Variants in ACOXL observed in about 807,000 individuals in gnomAD.
ACOXL encodes the protein acyl-coenzyme A oxidase-like protein.
ACOXL carries 70 observed loss-of-function variants against 71.9 expected under a neutral mutation model. The ratio of observed to expected loss-of-function variants is 0.97; its 90% confidence interval spans 0.80 to 1.19. The LOEUF is 1.19. Among genes scored for constraint, ACOXL ranks in the 50% most tolerant of loss-of-function variants. The pLI, the probability that ACOXL is intolerant of heterozygous loss-of-function variation, is 0.00. For missense variants in ACOXL, 703 were observed against 736.3 expected (o/e 0.95, Z 0.52); for synonymous variants, 253 against 281.6 (o/e 0.90, Z 1.02).
In ACOXL at chr2:110,753,284, T is replaced by C. The variant is rs1679243882; in HGVS notation, c.-22-15084T>C. On this transcript the variant is annotated intron_variant, in intron 1 of 17. Transcript: ENST00000439055. ...CGAGCAAATGCTGATGCCATGCTTG[T>C]ACAGCCTGCAGAATTGTGAGCCAAA... Among the ~76,000 whole-genome samples, 3 of 152,216 alleles carry C rather than the reference T, an allele frequency of 2.0e-5. No homozygotes were observed. In the South Asian group the frequency reaches 6.2e-4, roughly 32 times the overall value.
intron 12 of ACOXL, among the ~76,000 whole-genome samples, chr2:110,986,735 A>G (rs1454285815): frequency 6.6e-6 from 1 of 152,210 alleles, no homozygotes; most frequent in Non-Finnish European, 1.5e-5. Flanking sequence ...CAAAGGTCTA[A>G]TTGACCAGAG....
rs574392655 is a variant in ACOXL at position 111,073,009 on chromosome 2, G to A, written c.1441-19856G>A. On this transcript the variant is annotated intron_variant, in intron 16 of 17. Transcript: ENST00000439055. Reference sequence around the variant, plus strand: ...TTTAGTTTGCATCTCCCCAGTAGCTGATGCTGTTGAAAATCTTTCGATGTG... The same window carrying A: ...TTTAGTTTGCATCTCCCCAGTAGCTAATGCTGTTGAAAATCTTTCGATGTG... Among the ~76,000 whole-genome samples the A allele has an allele frequency of 1.2e-3, 176 of 152,306 alleles. 1 individual carries two copies. Among genetic ancestry groups the A allele is most frequent in the Non-Finnish European group, 1.7e-3 (117 of 68,012 alleles).
intron 1 of ACOXL, among the ~76,000 whole-genome samples, chr2:110,741,576 A>G (rs1404807686): frequency 6.6e-6 from 1 of 152,146 alleles, no homozygotes; most frequent in African/African-American, 2.4e-5. Flanking sequence ...TATAAAACAG[A>G]GTTTTATACA....
chr2:110,841,489 C>CA (rs1691172405), intron 10 of ACOXL, 84 bp downstream of exon 10: 3 of 1,172,632 alleles, frequency 2.6e-6, no homozygotes, highest in African/African-American at 1.5e-5. Flanking sequence ...AGATTTTGAG[C>CA]TTTTTTTTGG....
intron 7 of ACOXL, among the ~76,000 whole-genome samples, chr2:110,801,027 A>C (rs563770702): frequency 6.6e-6 from 1 of 152,196 alleles, no homozygotes; most frequent in Non-Finnish European, 1.5e-5. Context: ...GTTTTCCCCT[A>C]GGTTAAATCT....
intron 11 of ACOXL, among the ~76,000 whole-genome samples, chr2:110,912,321 G>A (rs1191371323): frequency 6.6e-6 from 1 of 152,050 alleles, no homozygotes; most frequent in East Asian, 1.9e-4. Flanking sequence ...ACAATCTTGA[G>A]AAAGAGTAAC....
intron 8 of ACOXL, among the ~76,000 whole-genome samples, chr2:110,803,038 A>G (rs1686188356): frequency 6.6e-6 from 1 of 152,204 alleles, no homozygotes; most frequent in Non-Finnish European, 1.5e-5. Context: ...AGCAAAAAGA[A>G]AAAGAAAAAA....
rs189605040 is a variant in ACOXL at position 110,970,941 on chromosome 2, A to G, written c.1060-16167A>G. Among the ~76,000 whole-genome samples, 33 of 152,356 alleles carry G rather than the reference A, an allele frequency of 2.2e-4. No homozygotes were observed. In the East Asian group the frequency reaches 4.8e-3, roughly 22 times the overall value. ...TTCTTAGGGTTGACATCAAAAGCAC[A>G]TTTCATAAAAGGAAAAATTGGTAAG... On this transcript the variant is annotated intron_variant, in intron 12 of 17. Coordinates refer to ENST00000439055, the MANE Select transcript of ACOXL (RefSeq NM_001142807.4).
chr2:110,969,820 G>GA (rs993928828), intron 12 of ACOXL, among the ~76,000 whole-genome samples: 81 of 132,272 alleles, frequency 6.1e-4, no homozygotes, highest in African/African-American at 1.4e-3. Context: ...CAAAAAAAAA[G>GA]AAAAAAAAAA....
chr2:110,919,180 G>C (rs112880632), intron 11 of ACOXL, among the ~76,000 whole-genome samples: 3,612 of 152,232 alleles, frequency 0.024, 77 homozygotes, highest in Non-Finnish European at 0.033. Flanking sequence ...TGATAGACTA[G>C]ATAAAGGAAA....
intron 17 of ACOXL, among the ~76,000 whole-genome samples, chr2:111,095,311 A>G (rs994407785): frequency 6.6e-5 from 10 of 151,822 alleles, no homozygotes; most frequent in African/African-American, 1.2e-4. Flanking sequence ...ACAATATGCA[A>G]TATATCAGAG....
intron 14 of ACOXL, among the ~76,000 whole-genome samples, chr2:111,029,172 CTG>C (rs2065150243): frequency 6.6e-6 from 1 of 152,220 alleles, no homozygotes; most frequent in Non-Finnish European, 1.5e-5. Context: ...TGGCATAAGA[CTG>C]TATTTACACA....
intron 10 of ACOXL, among the ~76,000 whole-genome samples, chr2:110,866,017 C>T (rs1195798758): frequency 6.6e-6 from 1 of 152,146 alleles, no homozygotes; most frequent in African/African-American, 2.4e-5. Flanking sequence ...ATTTCCTCCC[C>T]AGAGTGGTAA....
intron 11 of ACOXL, among the ~76,000 whole-genome samples, chr2:110,918,677 A>T: frequency 6.6e-6 from 1 of 152,224 alleles, no homozygotes; most frequent in Non-Finnish European, 1.5e-5. Context: ...TAATATGCAG[A>T]ATACAAAGAA....
chr2:111,093,418 G>T, intron 17 of ACOXL: 1 of 1,609,460 alleles, frequency 6.2e-7, no homozygotes, highest in Non-Finnish European at 8.5e-7. Context: ...AAATGCTACT[G>T]CAAAGAAAAA....
intron 16 of ACOXL, among the ~76,000 whole-genome samples, chr2:111,067,283 T>C (rs1315881199): frequency 6.6e-6 from 1 of 152,040 alleles, no homozygotes; most frequent in Non-Finnish European, 1.5e-5. Context: ...TATAAAATTC[T>C]AAATAGCTAA....
intron 12 of ACOXL, among the ~76,000 whole-genome samples, chr2:110,936,266 C>T (rs150335915): frequency 2.1e-3 from 323 of 152,128 alleles, no homozygotes; most frequent in Non-Finnish European, 3.7e-3. Flanking sequence ...GTTACCCGCA[C>T]TGTTATTATT....
At chr2:110,896,490 T>C (rs1014933908) in intron 10 of ACOXL, among the ~76,000 whole-genome samples, 3 of 152,062 alleles carry the variant, frequency 2.0e-5, no homozygotes, top group Non-Finnish European at 1.5e-5. Flanking sequence ...GAAACTCACT[T>C]CAAATGTAAC....
intron 10 of ACOXL, among the ~76,000 whole-genome samples, chr2:110,878,514 G>A (rs775378713): frequency 6.6e-6 from 1 of 152,228 alleles, no homozygotes; most frequent in Non-Finnish European, 1.5e-5. Context: ...TGTAATTCTA[G>A]CACTTTGGGA....
Sources: gnomAD v4.1 joint callset for allele counts (sites outside exome capture counted in the v4.1 genomes callset) on GRCh38, gnomAD v4.1.1 for gene constraint, MANE v1.5 for transcripts, NCBI Gene and HGNC (gene_info 2026-07-23, HGNC 2026-07-21) for gene names.